Variants in LGR6 observed in about 807,000 individuals in gnomAD.
LGR6 encodes the protein leucine rich repeat containing G protein-coupled receptor 6.
LGR6 carries 45 observed loss-of-function variants against 69.4 expected under a neutral mutation model. The ratio of observed to expected loss-of-function variants is 0.65; its 90% confidence interval spans 0.51 to 0.83. The LOEUF (loss-of-function observed/expected upper bound fraction) is 0.83, where lower values mean the gene tolerates loss of function less well. LGR6 is among the 40% of genes least tolerant of loss of function. The probability of loss-of-function intolerance (pLI) is 0.00; values close to 1 mark genes in which losing one functional copy is unlikely to be tolerated. For synonymous variants in LGR6, 538 were observed against 555.0 expected, an observed-to-expected ratio of 0.97 and a Z score of 0.43; for missense variants, 1,108 against 1,246.7, an observed-to-expected ratio of 0.89 and a Z score of 1.68.
intron 1 of LGR6, among the ~76,000 whole-genome samples, chr1:202,208,799 G>C (rs949738683): frequency 6.6e-6 from 1 of 152,136 alleles, no homozygotes; most frequent in Non-Finnish European, 1.5e-5. Flanking sequence ...ACCATGTTGC[G>C]GGGCCCAGGG....
chr1:202,251,473 C>G (rs2148061497), intron 4 of LGR6, among the ~76,000 whole-genome samples: 1 of 152,292 alleles, frequency 6.6e-6, no homozygotes, highest in African/African-American at 2.4e-5. Flanking sequence ...GGGGCATTCA[C>G]CATTTCCAGA....
At chr1:202,223,073 C>T (rs889178322) in intron 1 of LGR6, among the ~76,000 whole-genome samples, 2 of 149,192 alleles carry the variant, frequency 1.3e-5, no homozygotes, top group Non-Finnish European at 3.0e-5. Context: ...TGTACTCCAG[C>T]CTGGGTGACA....
intron 14 of LGR6, among the ~76,000 whole-genome samples, chr1:202,308,508 A>G (rs1294508017): frequency 6.6e-6 from 1 of 152,128 alleles, no homozygotes; most frequent in Non-Finnish European, 1.5e-5. Flanking sequence ...AAGAAAATGC[A>G]TGTCCTCGCC....
rs1553238579 is a variant in LGR6 at position 202,205,969 on chromosome 1, A to AC, written c.212+11768_212+11769insC. Among the ~76,000 whole-genome samples the AC allele has an allele frequency of 1.3e-4, 20 of 149,106 alleles. 3 individuals carry two copies. The highest frequency in any genetic ancestry group is 2.0e-4 in the East Asian group (1 of 5,002). ...AGAACACACACACACACAGACACAC[A>AC]ACACACACACACACACACACCCCTA... On this transcript the variant is annotated intron_variant, in intron 1 of 17. Coordinates refer to ENST00000367278, the MANE Select transcript of LGR6 (RefSeq NM_001017403.2).
At position 202,319,352 on chromosome 1, in the gene LGR6, C is replaced by A; in HGVS notation, c.*145C>A. The stretch of plus-strand genomic sequence containing the variant: ...GCCCAGTCCCTGGCTCCACTGATCA[C>A]CTCTCTCCTGTGACCATCACCAACG... On this transcript the variant is annotated 3_prime_UTR_variant, in exon 18 of 18. Transcript: ENST00000367278. 3 of 888,652 alleles carry A rather than the reference C, an allele frequency of 3.4e-6. No individual in the cohort carries two copies. The highest frequency in any genetic ancestry group is 3.3e-6 in the Non-Finnish European group (2 of 607,936). The allele number at this position is 888,652 out of a possible 1,614,324, so 55.0% of individuals were successfully genotyped here.
Position 202,236,008 on chromosome 1 carries a change from G to C in LGR6, c.428+15G>C. 1 of 1,611,188 alleles carries C rather than the reference G, an allele frequency of 6.2e-7. No individual in the cohort carries two copies. Among genetic ancestry groups the C allele is most frequent in the Non-Finnish European group, 8.5e-7 (1 of 1,177,934 alleles). On this transcript the variant is annotated intron_variant, in intron 4 of 17. Transcript: ENST00000367278. ...CTGCAGTCGCTGTGAGTCATTAGAG[G>C]GCTGGTCTGGGAGTCACCAGCTTCC...
intron 1 of LGR6, among the ~76,000 whole-genome samples, chr1:202,220,790 G>A (rs530406715): frequency 1.3e-5 from 2 of 152,006 alleles, no homozygotes; most frequent in South Asian, 2.1e-4. Context: ...CCAGGGGCTC[G>A]GCTCCTGGCC....
At chr1:202,277,133 A>G (rs571606512) in intron 5 of LGR6, among the ~76,000 whole-genome samples, 14 of 152,292 alleles carry the variant, frequency 9.2e-5, no homozygotes, top group African/African-American at 1.4e-4. Flanking sequence ...TCATAGGGTA[A>G]TTACTAAAAG....
intron 9 of LGR6, among the ~76,000 whole-genome samples, chr1:202,301,720 A>C (rs543706502): frequency 5.9e-5 from 9 of 152,182 alleles, no homozygotes; most frequent in Non-Finnish European, 1.2e-4. Context: ...CCACTTCTTC[A>C]AAAAGCTTCC....
intron 1 of LGR6, among the ~76,000 whole-genome samples, chr1:202,220,303 C>T (rs1660062627): frequency 6.6e-6 from 1 of 152,108 alleles, no homozygotes; most frequent in Non-Finnish European, 1.5e-5. Context: ...CTGCAACCTC[C>T]GCCTCCTGAG....
intron 1 of LGR6, among the ~76,000 whole-genome samples, chr1:202,204,575 T>TCCA (rs1659003237): frequency 8.2e-6 from 1 of 121,636 alleles, no homozygotes. Context: ...CAAACACACC[T>TCCA]AACACACACC....
At chr1:202,257,111 C>T (rs1478346120) in intron 4 of LGR6, among the ~76,000 whole-genome samples, 3 of 152,000 alleles carry the variant, frequency 2.0e-5, no homozygotes, top group Non-Finnish European at 4.4e-5. Flanking sequence ...AGACATAAGT[C>T]CCTTATCAGA....
chr1:202,236,594 T>C (rs1558024401), intron 4 of LGR6, among the ~76,000 whole-genome samples: 1 of 152,046 alleles, frequency 6.6e-6, no homozygotes, highest in Non-Finnish European at 1.5e-5. Context: ...TGCTCCAGGG[T>C]GATGTAACCC....
chr1:202,230,271 C>T (rs1260028846), intron 3 of LGR6, among the ~76,000 whole-genome samples: 1 of 152,146 alleles, frequency 6.6e-6, no homozygotes, highest in African/African-American at 2.4e-5. Context: ...ACACCCCCAC[C>T]CATCCCTGCC....
chr1:202,201,073 C>G (rs2095328107), intron 1 of LGR6, among the ~76,000 whole-genome samples: 1 of 152,230 alleles, frequency 6.6e-6, no homozygotes, highest in Admixed American at 6.5e-5. Context: ...CAATTCTCCC[C>G]ATCCCTGGGA....
chr1:202,277,950 C>T (rs568961256), intron 5 of LGR6, among the ~76,000 whole-genome samples: 3 of 151,788 alleles, frequency 2.0e-5, no homozygotes, highest in South Asian at 2.1e-4. Flanking sequence ...GGAGAGTAAG[C>T]GTGTTTGGCT....
Position 202,300,657 on chromosome 1 carries a change from G to GA in LGR6, c.786-176dup, listed in dbSNP as rs111707317. 9.6e-3 allele frequency among the ~76,000 whole-genome samples: 1,004 copies of GA among 104,988 alleles called. 6 individuals are homozygous for GA. Among genetic ancestry groups the GA allele is most frequent in the East Asian group, 0.035 (133 of 3,764 alleles). The allele number at this position is 104,988 out of a possible 152,430, so 68.9% of individuals were successfully genotyped here. A position where few individuals can be genotyped will look rare whatever the true frequency, so the allele number is the denominator to read the frequency against. ...CCTGGGTAACAGAGACCCTGTCTCAGAAAAAAAAAAAAAAAAGAAAGAAAG... is the reference window on the plus strand; with the variant it reads ...CCTGGGTAACAGAGACCCTGTCTCAGAAAAAAAAAAAAAAAAAGAAAGAAAG... On this transcript the variant is annotated intron_variant, in intron 7 of 17. Transcript: ENST00000367278.
At chr1:202,254,425 T>A (rs4950840) in intron 4 of LGR6, among the ~76,000 whole-genome samples, 91,633 of 152,094 alleles carry the variant, frequency 0.6, 28,971 homozygotes, top group East Asian at 0.82. Context: ...GCAAAACTAG[T>A]TTATCCAGGA....
intron 1 of LGR6, among the ~76,000 whole-genome samples, chr1:202,219,673 T>C (rs1343242791): frequency 6.6e-6 from 1 of 152,110 alleles, no homozygotes; most frequent in Non-Finnish European, 1.5e-5. Flanking sequence ...AGTAATGCAC[T>C]CATTTGGATA....
Sources: allele counts gnomAD v4.1 joint callset (sites outside exome capture counted in the v4.1 genomes callset), GRCh38; gene constraint gnomAD v4.1.1; transcripts MANE v1.5; gene names NCBI Gene and HGNC (gene_info 2026-07-23, HGNC 2026-07-21).